Variants in MYT1L observed in about 807,000 individuals in gnomAD.
The protein encoded by MYT1L is myelin transcription factor 1 like.
A neutral mutation model predicts 126.7 loss-of-function variants in MYT1L; 12 were observed. The observed-to-expected ratio is 0.09, with a 90% CI of 0.06 to 0.15. The LOEUF is 0.15. Ranked by LOEUF, MYT1L falls within the 10% of genes least tolerant of loss-of-function variation. MYT1L has a pLI of 1.00. For missense variants in MYT1L, 979 were observed against 1,585.2 expected (o/e 0.62, Z 6.49); for synonymous variants, 541 against 604.2 (o/e 0.90, Z 1.53).
intron 2 of MYT1L, among the ~76,000 whole-genome samples, chr2:2,198,845 CA>C (rs1301541697): frequency 9.3e-5 from 14 of 150,978 alleles, no homozygotes; most frequent in Non-Finnish European, 2.1e-4. Flanking sequence ...GACTCTGTCT[CA>C]AAAAAAATAA....
At chr2:2,230,805 A>G (rs2094143320) in intron 2 of MYT1L, among the ~76,000 whole-genome samples, 1 of 152,192 alleles carries the variant, frequency 6.6e-6, no homozygotes, top group African/African-American at 2.4e-5. Context: ...AGCTATTTGC[A>G]TATTTTTATA....
chr2:1,881,547 G>A (rs978369985), intron 18 of MYT1L, among the ~76,000 whole-genome samples: 9 of 152,006 alleles, frequency 5.9e-5, no homozygotes, highest in East Asian at 3.9e-4. Flanking sequence ...TGTAAATGCC[G>A]TAGTGCAAAC....
chr2:2,021,742 A>G (rs1057088295), intron 4 of MYT1L, among the ~76,000 whole-genome samples: 6 of 152,096 alleles, frequency 3.9e-5, no homozygotes, highest in Non-Finnish European at 7.4e-5. Flanking sequence ...CTAAAAATAC[A>G]AAAAATTAGC....
At chr2:2,236,757 T>TTTCTTCTTCTTCTTC (rs760901038) in intron 2 of MYT1L, among the ~76,000 whole-genome samples, 21 of 132,616 alleles carry the variant, frequency 1.6e-4, no homozygotes, top group East Asian at 1.1e-3. Context: ...TTGGTTGTCC[T>TTTCTTCTTCTTCTTC]TTCTTCTTCT....
chr2:1,822,511 C>G (rs912721400), intron 21 of MYT1L, among the ~76,000 whole-genome samples: 1 of 152,200 alleles, frequency 6.6e-6, no homozygotes, highest in Admixed American at 6.5e-5. Flanking sequence ...GCGTGCTCAG[C>G]AGGCACTTGG....
chr2:1,796,810 C>T (rs759147512), intron 23 of MYT1L, among the ~76,000 whole-genome samples: 17 of 152,294 alleles, frequency 1.1e-4, no homozygotes, highest in Non-Finnish European at 2.1e-4. Context: ...GCTCCTTGCT[C>T]CAGGCCCCCA....
intron 9 of MYT1L, among the ~76,000 whole-genome samples, chr2:1,938,547 G>A: frequency 6.6e-6 from 1 of 152,166 alleles, no homozygotes; most frequent in Non-Finnish European, 1.5e-5. Context: ...TCTGAAATGA[G>A]TTTCTCAGGT....
At chr2:1,941,645 CTAATTT>C (rs2149254512) in intron 9 of MYT1L, among the ~76,000 whole-genome samples, 1 of 151,796 alleles carries the variant, frequency 6.6e-6, no homozygotes, top group South Asian at 2.1e-4. Flanking sequence ...TCTTGGGAGA[CTAATTT>C]TAATTTATGT....
At chr2:2,096,435 A>G (rs572032855) in intron 3 of MYT1L, among the ~76,000 whole-genome samples, 1 of 152,312 alleles carries the variant, frequency 6.6e-6, no homozygotes, top group African/African-American at 2.4e-5. Context: ...ACATGAGTTC[A>G]TTCTTTTCAG....
intron 8 of MYT1L, among the ~76,000 whole-genome samples, chr2:1,948,682 A>C (rs748622): frequency 0.46 from 69,366 of 151,994 alleles, 18,059 homozygotes; most frequent in African/African-American, 0.72. Context: ...CAGCAACACC[A>C]GTGAAGGGCT....
intron 1 of MYT1L, among the ~76,000 whole-genome samples, chr2:2,299,255 C>T (rs1240205497): frequency 6.6e-6 from 1 of 152,184 alleles, no homozygotes; most frequent in East Asian, 1.9e-4. Flanking sequence ...GGGGGAGCAC[C>T]CATCAATATG....
intron 3 of MYT1L, among the ~76,000 whole-genome samples, chr2:2,136,893 C>T (rs938822418): frequency 6.6e-6 from 1 of 152,180 alleles, no homozygotes; most frequent in African/African-American, 2.4e-5. Flanking sequence ...AAGAGGAAGT[C>T]AAATTGTCCT....
chr2:1,973,112 G>A (rs2059926077), intron 8 of MYT1L, among the ~76,000 whole-genome samples: 1 of 152,168 alleles, frequency 6.6e-6, no homozygotes, highest in Admixed American at 6.5e-5. Flanking sequence ...AGACATGTGA[G>A]GAATGAGGCC....
intron 3 of MYT1L, among the ~76,000 whole-genome samples, chr2:2,103,300 G>T (rs2078325290): frequency 6.6e-6 from 1 of 152,178 alleles, no homozygotes; most frequent in African/African-American, 2.4e-5. Context: ...CCCAGCCTTT[G>T]CCAGGGCTCC....
At chr2:1,829,974 A>G (rs922250190) in intron 21 of MYT1L, among the ~76,000 whole-genome samples, 20 of 152,202 alleles carry the variant, frequency 1.3e-4, no homozygotes, top group African/African-American at 4.8e-4. Flanking sequence ...GGTGCAGGAA[A>G]ACTTTTCTTA....
At chr2:1,874,076 C>A (rs1364319861) in intron 18 of MYT1L, among the ~76,000 whole-genome samples, 1 of 151,634 alleles carries the variant, frequency 6.6e-6, no homozygotes, top group Non-Finnish European at 1.5e-5. Flanking sequence ...GCAGCCAGGA[C>A]ACAGATCCAG....
intron 4 of MYT1L, among the ~76,000 whole-genome samples, chr2:2,024,927 C>G (rs369787833): frequency 6.6e-6 from 1 of 152,272 alleles, no homozygotes; most frequent in Non-Finnish European, 1.5e-5. Context: ...CGCGTGGACG[C>G]GTTCCGCCTG....
chr2:1,911,318 C>T (rs775615415), intron 12 of MYT1L, among the ~76,000 whole-genome samples: 11 of 152,014 alleles, frequency 7.2e-5, no homozygotes, highest in East Asian at 5.8e-4. Flanking sequence ...TACAATTTTA[C>T]GTGAACTCAT....
chr2:2,026,503 C>T (rs563363182), intron 4 of MYT1L, among the ~76,000 whole-genome samples: 7 of 152,226 alleles, frequency 4.6e-5, no homozygotes, highest in East Asian at 1.9e-4. Context: ...GCTAAACACA[C>T]GCCAACAATA....
Sources: allele counts gnomAD v4.1 joint callset (sites outside exome capture counted in the v4.1 genomes callset), GRCh38; gene constraint gnomAD v4.1.1; transcripts MANE v1.5; gene names NCBI Gene and HGNC (gene_info 2026-07-23, HGNC 2026-07-21).